The following YAP1 variants were observed in gnomAD, a reference collection of about 807,000 sequenced individuals.
YAP1 encodes Yes1 associated transcriptional regulator, also known as transcriptional coactivator YAP1.
A neutral mutation model predicts 56.9 loss-of-function variants in YAP1; 5 were observed. That is an observed-to-expected ratio of 0.09 (90% confidence interval 0.05 to 0.18). The LOEUF is 0.18. Ranked by LOEUF, YAP1 falls within the 10% of genes least tolerant of loss-of-function variation. YAP1 has a pLI of 1.00. For synonymous variants in YAP1, 265 were observed against 248.1 expected, an observed-to-expected ratio of 1.07 and a Z score of -0.64; for missense variants, 539 against 651.8, an observed-to-expected ratio of 0.83 and a Z score of 1.88.
chr11:102,169,194 C>T (rs1946765839), intron 3 of YAP1, among the ~76,000 whole-genome samples: 2 of 152,170 alleles, frequency 1.3e-5, no homozygotes, highest in South Asian at 4.1e-4. Context: ...CATTAAATGA[C>T]AGAATCCATA....
intron 2 of YAP1, among the ~76,000 whole-genome samples, chr11:102,142,278 T>A (rs1945066467): frequency 6.6e-6 from 1 of 152,170 alleles, no homozygotes. Context: ...GGCCAACCTT[T>A]CTAGAGAAAG....
chr11:102,150,640 T>C (rs1945584622), intron 2 of YAP1, among the ~76,000 whole-genome samples: 1 of 152,176 alleles, frequency 6.6e-6, no homozygotes, highest in Non-Finnish European at 1.5e-5. Flanking sequence ...TAGCATTGTG[T>C]ATGGCTTACA....
intron 2 of YAP1, among the ~76,000 whole-genome samples, chr11:102,147,507 C>T (rs573869200): frequency 3.3e-5 from 5 of 152,218 alleles, no homozygotes; most frequent in East Asian, 3.9e-4. Context: ...TAACATTGAG[C>T]ACCTTTTATG....
chr11:102,162,444 G>C lies in YAP1; in HGVS notation c.573-12G>C, dbSNP rs1946346735. ...TATTTGTTTCCTAATGCAGTGGTTT[G>C]TTTTGTCTTAGTCACATCGATCAGA... On this transcript the variant is annotated splice_polypyrimidine_tract_variant and intron_variant, in intron 2 of 8. Transcript: ENST00000282441. 1.2e-6 allele frequency: 2 copies of C among 1,611,026 alleles called. No individual in the cohort carries two copies.
At chr11:102,215,042 G>A (rs1458387233) in intron 6 of YAP1, among the ~76,000 whole-genome samples, 1 of 152,024 alleles carries the variant, frequency 6.6e-6, no homozygotes, top group Non-Finnish European at 1.5e-5. Context: ...TTGGTAAATG[G>A]CATAAACATT....
At chr11:102,184,145 A>G (rs1203080263) in intron 3 of YAP1, among the ~76,000 whole-genome samples, 3 of 151,886 alleles carry the variant, frequency 2.0e-5, no homozygotes, top group African/African-American at 7.3e-5. Flanking sequence ...TCCCAAAGGC[A>G]TTCAGTGATT....
At chr11:102,111,291 T>TG in intron 1 of YAP1, 122 bp downstream of exon 1, 1 of 1,208,106 alleles carries the variant, frequency 8.3e-7, no homozygotes, top group Non-Finnish European at 1.1e-6. Context: ...CTAGCTGGGG[T>TG]GGGGGTCCCG....
At chr11:102,178,429 A>G (rs916245478) in intron 3 of YAP1, among the ~76,000 whole-genome samples, 1 of 152,220 alleles carries the variant, frequency 6.6e-6, no homozygotes, top group Non-Finnish European at 1.5e-5. Flanking sequence ...GTAGTTAATC[A>G]GGATTTTCCT....
At position 102,176,616 on chromosome 11, in the gene YAP1, C is replaced by T. The variant is rs1334757186; in HGVS notation, c.689-9402C>T. On this transcript the variant is annotated intron_variant, in intron 3 of 8. Transcript: ENST00000282441. ...CAAAAGTTAGCCGGGTGTGGTGGTG[C>T]ACCCCTGTAATCCCAGCTACTCAGG... 2.0e-5 allele frequency among the ~76,000 whole-genome samples: 3 copies of T among 151,472 alleles called. No homozygotes were observed. The East Asian group carries it at 5.8e-4, about 29-fold the overall frequency.
chr11:102,221,252 A>C (rs997467480), intron 6 of YAP1, among the ~76,000 whole-genome samples: 1 of 152,242 alleles, frequency 6.6e-6, no homozygotes, highest in African/African-American at 2.4e-5. Context: ...TTTACCTTGC[A>C]GGGAAGACAG....
chr11:102,183,702 CTGTGTGTGTGTGTGTGTGTGTG>C (rs140546191), intron 3 of YAP1, among the ~76,000 whole-genome samples: 26 of 141,808 alleles, frequency 1.8e-4, no homozygotes, highest in African/African-American at 5.8e-4. Flanking sequence ...AATGCTGTTT[CTGTGTGTGTGTGTGTGTGTGTG>C]TGTGTGTGTG....
intron 4 of YAP1, among the ~76,000 whole-genome samples, chr11:102,189,625 A>G (rs1948170394): frequency 6.6e-6 from 1 of 152,190 alleles, no homozygotes; most frequent in Admixed American, 6.5e-5. Context: ...CTGTGCACAG[A>G]AATTCTATGT....
At chr11:102,197,177 C>G (rs1728655754) in intron 4 of YAP1, among the ~76,000 whole-genome samples, 1 of 152,086 alleles carries the variant, frequency 6.6e-6, no homozygotes, top group Non-Finnish European at 1.5e-5. Context: ...ATGAGGAAAA[C>G]CCAAATATTT....
intron 6 of YAP1, among the ~76,000 whole-genome samples, chr11:102,216,757 A>G (rs895428703): frequency 2.6e-5 from 4 of 152,234 alleles, no homozygotes; most frequent in African/African-American, 9.6e-5. Flanking sequence ...CAAGTTTGTT[A>G]AACTTCTGTT....
Position 102,205,938 on chromosome 11 carries a change from C to A in YAP1, c.848C>A (p.Pro283Gln). 1 of 1,608,736 alleles carries A rather than the reference C, an allele frequency of 6.2e-7. No homozygotes were observed. Among genetic ancestry groups the A allele is most frequent in the Non-Finnish European group, 8.5e-7 (1 of 1,177,356 alleles). The change falls in exon 5 of 9, where the codon CCA (proline) becomes CAA (glutamine). Residue 283 changes from proline (P) to glutamine (Q), a missense_variant. This residue lies in a region of YAP1 where 414 missense variants were observed against 512.4 expected (regional missense o/e 0.81). Coordinates refer to ENST00000282441, the MANE Select transcript of YAP1 (RefSeq NM_001130145.3). ...ISQSAPVKQP[P>Q]PLAPQSPQGG... is the part of the protein sequence containing the mutation. ...CAGAGTGCTCCAGTGAAACAGCCACCACCCCTGGCTCCCCAGAGCCCACAG... is the reference window on the plus strand; with the variant it reads ...CAGAGTGCTCCAGTGAAACAGCCACAACCCCTGGCTCCCCAGAGCCCACAG...
At chr11:102,181,580 A>T (rs781355925) in intron 3 of YAP1, among the ~76,000 whole-genome samples, 3 of 152,196 alleles carry the variant, frequency 2.0e-5, no homozygotes, top group African/African-American at 2.4e-5. Context: ...TTGGAGACGG[A>T]GAAAGACTCT....
chr11:102,194,906 T>G (rs1303654143), intron 4 of YAP1, among the ~76,000 whole-genome samples: 1 of 152,182 alleles, frequency 6.6e-6, no homozygotes, highest in African/African-American at 2.4e-5. Flanking sequence ...TTTTAAAAGA[T>G]AATGCCCCTT....
Position 102,186,045 on chromosome 11 carries a change from C to A in YAP1, c.716C>A (p.Ala239Asp). The change falls in exon 4 of 9, where the codon GCC becomes GAC. Residue 239 changes from alanine (A) to aspartate (D), a missense_variant. Around this residue, in one of 4 missense-constraint regions of YAP1, gnomAD observed 414 missense variants for 512.4 expected, o/e 0.81. Coordinates refer to ENST00000282441, the MANE Select transcript of YAP1 (RefSeq NM_001130145.3). ...CCTCTTCCTGATGGATGGGAACAAG[C>A]CATGACTCAGGATGGAGAAATTTAC... ...SGPLPDGWEQ[A>D]MTQDGEIYYI... is the part of the protein sequence containing the mutation. The A allele has an allele frequency of 3.1e-6, 5 of 1,610,158 alleles. No homozygotes were observed. The highest frequency in any genetic ancestry group is 4.2e-6 in the Non-Finnish European group (5 of 1,178,890).
chr11:102,145,722 TAGTG>T (rs1945288744), intron 2 of YAP1, among the ~76,000 whole-genome samples: 2 of 152,200 alleles, frequency 1.3e-5, no homozygotes, highest in African/African-American at 4.8e-5. Context: ...AATCAGAACA[TAGTG>T]AGCTTCACAA....
Sources: allele counts gnomAD v4.1 joint callset (sites outside exome capture counted in the v4.1 genomes callset), GRCh38; gene constraint gnomAD v4.1.1; regional missense constraint gnomAD v4.1.1; transcripts MANE v1.5; gene names NCBI Gene and HGNC (gene_info 2026-07-23, HGNC 2026-07-21).